SLIT3: variants seen among roughly 807,000 people sequenced by gnomAD.
The protein encoded by SLIT3 is slit guidance ligand 3.
A neutral mutation model predicts 184.0 loss-of-function variants in SLIT3; 68 were observed. That is an observed-to-expected ratio of 0.37 (90% confidence interval 0.30 to 0.45). The LOEUF (loss-of-function observed/expected upper bound fraction) is 0.45, where lower values mean the gene tolerates loss of function less well. Ranked by LOEUF, SLIT3 falls within the 20% of genes least tolerant of loss-of-function variation. The pLI is 1.00. For missense variants in SLIT3, 1,707 were observed against 2,026.0 expected (o/e 0.84, Z 3.02); for synonymous variants, 831 against 828.6 (o/e 1.00, Z -0.05).
At chr5:168,869,572 CA>C (rs1460953011) in intron 5 of SLIT3, among the ~76,000 whole-genome samples, 1 of 152,156 alleles carries the variant, frequency 6.6e-6, no homozygotes, top group African/African-American at 2.4e-5. Context: ...TACATGTCGG[CA>C]GTGGGGAGAT....
chr5:169,034,149 C>T (rs1311901469), intron 4 of SLIT3, among the ~76,000 whole-genome samples: 1 of 152,148 alleles, frequency 6.6e-6, no homozygotes, highest in African/African-American at 2.4e-5. Flanking sequence ...GATATTAACC[C>T]TTTACCATAT....
intron 4 of SLIT3, among the ~76,000 whole-genome samples, chr5:169,167,452 T>TA (rs34608308): frequency 0.13 from 19,524 of 151,184 alleles, 1,388 homozygotes; most frequent in South Asian, 0.24. Context: ...CTTTTTTTTG[T>TA]TTTTTAGTAG....
intron 4 of SLIT3, among the ~76,000 whole-genome samples, chr5:169,080,321 C>T (rs891145661): frequency 5.9e-5 from 9 of 152,166 alleles, no homozygotes; most frequent in African/African-American, 1.9e-4. Flanking sequence ...AAAATAATAG[C>T]ATTTAGCAGG....
chr5:168,882,438 C>T (rs1046758484), intron 5 of SLIT3, among the ~76,000 whole-genome samples: 9 of 152,140 alleles, frequency 5.9e-5, no homozygotes, highest in Admixed American at 5.2e-4. Flanking sequence ...AACAGTCCTG[C>T]GCTTGACTAT....
chr5:168,687,183 G>GC (rs1239207897), intron 29 of SLIT3, 67 bp from the exon 30 acceptor site: 16 of 1,577,130 alleles, frequency 1.0e-5, no homozygotes, highest in Non-Finnish European at 1.4e-5. Flanking sequence ...TCACTCTCCA[G>GC]CCCCCCTCAG....
At position 168,921,869 on chromosome 5, in the gene SLIT3, G is replaced by A. The variant is rs1422890037; in HGVS notation, c.414-38533C>T. Among the ~76,000 whole-genome samples the A allele has an allele frequency of 6.6e-5, 10 of 151,990 alleles. 1 individual carries two copies. The South Asian group carries it at 1.5e-3, about 22-fold the overall frequency. On this transcript the variant is annotated intron_variant, in intron 4 of 35. Coordinates refer to ENST00000519560, the MANE Select transcript of SLIT3 (RefSeq NM_003062.4). ...AACCTTTACTGAGCACATACTACAT[G>A]TGAGACACTGGTCTAAGCTCATTTA... is the stretch of plus-strand genomic sequence containing the variant.
intron 4 of SLIT3, among the ~76,000 whole-genome samples, chr5:168,897,949 G>T (rs1296616748): frequency 1.3e-5 from 2 of 152,148 alleles, no homozygotes; most frequent in Non-Finnish European, 1.5e-5. Context: ...GGGAAGGTCG[G>T]CTGGGGCTTC....
intron 4 of SLIT3, among the ~76,000 whole-genome samples, chr5:168,929,842 C>A (rs915022311): frequency 1.3e-5 from 2 of 152,184 alleles, no homozygotes; most frequent in Non-Finnish European, 2.9e-5. Flanking sequence ...TGGCGTGGGC[C>A]GGCCTCCACA....
intron 4 of SLIT3, among the ~76,000 whole-genome samples, chr5:169,008,615 C>G (rs10045475): frequency 1.3e-5 from 2 of 152,164 alleles, no homozygotes; most frequent in Non-Finnish European, 2.9e-5. Context: ...CACGGTCTCT[C>G]TGTGTCTCAC....
At chr5:169,140,008 T>A (rs891996419) in intron 4 of SLIT3, among the ~76,000 whole-genome samples, 3 of 152,084 alleles carry the variant, frequency 2.0e-5, no homozygotes, top group African/African-American at 7.2e-5. Context: ...CTCCAAGGCC[T>A]TCATCACAGC....
chr5:168,666,529 G>C lies in SLIT3; in HGVS notation c.4497C>G (p.Phe1499Leu). ...CAAACGAGGAGCCGTCCGTGCACTG[G>C]AAGACGTATTTCCGCCGCTTGCTGC... ...PTRSKRRKYV[F>L]QCTDGSSFVE... Residue 1499 changes from phenylalanine (F) to leucine (L), a missense_variant, in exon 36 of 36, where the codon TTC becomes TTG. Phe to Leu is a conservative substitution (Grantham distance 22). Transcript: ENST00000519560. 6.2e-7 allele frequency: 1 copy of C among 1,612,982 alleles called. No individual in the cohort carries two copies. The highest frequency in any genetic ancestry group is 8.5e-7 in the Non-Finnish European group (1 of 1,179,768).
At position 169,215,228 on chromosome 5, in the gene SLIT3, G is replaced by C. The variant is rs756556780; in HGVS notation, c.342-21678C>G. 2.7e-4 allele frequency among the ~76,000 whole-genome samples: 41 copies of C among 151,916 alleles called. 1 individual carries two copies. Among genetic ancestry groups the C allele is most frequent in the Non-Finnish European group, 1.2e-4 (8 of 68,018 alleles). Reference sequence around the variant, plus strand: ...TTCCTTTAGTTCTTGAACGTAACTCGCACTCTCTCACCTCTGGGCCTTTGC... The same window carrying C: ...TTCCTTTAGTTCTTGAACGTAACTCCCACTCTCTCACCTCTGGGCCTTTGC... On this transcript the variant is annotated intron_variant, in intron 3 of 35. Coordinates refer to ENST00000519560, the MANE Select transcript of SLIT3 (RefSeq NM_003062.4).
At chr5:168,701,816 C>T (rs544972035) in intron 26 of SLIT3, among the ~76,000 whole-genome samples, 1 of 152,362 alleles carries the variant, frequency 6.6e-6, no homozygotes, top group South Asian at 2.1e-4. Context: ...AGCCCACCCA[C>T]TGCCACACCA....
At chr5:169,112,144 A>G (rs1048171937) in intron 4 of SLIT3, among the ~76,000 whole-genome samples, 1 of 152,248 alleles carries the variant, frequency 6.6e-6, no homozygotes, top group Non-Finnish European at 1.5e-5. Context: ...GTTACAAAGT[A>G]GATGCCCCAG....
intron 4 of SLIT3, among the ~76,000 whole-genome samples, chr5:168,884,549 GATATATAT>G (rs58407375): frequency 0.06 from 2,472 of 41,154 alleles, 205 homozygotes; most frequent in Non-Finnish European, 0.079. Flanking sequence ...CCAATTACGA[GATATATAT>G]ATATATATAT....
intron 4 of SLIT3, among the ~76,000 whole-genome samples, chr5:169,162,911 T>C (rs901902254): frequency 6.6e-6 from 1 of 151,618 alleles, no homozygotes; most frequent in Non-Finnish European, 1.5e-5. Context: ...AAGGTAGGAG[T>C]AGGGAGATAG....
At chr5:168,879,271 G>A (rs1014699154) in intron 5 of SLIT3, among the ~76,000 whole-genome samples, 2 of 152,170 alleles carry the variant, frequency 1.3e-5, no homozygotes, top group Non-Finnish European at 2.9e-5. Flanking sequence ...CTGTGGTGGA[G>A]CAGGCTTGGG....
intron 4 of SLIT3, among the ~76,000 whole-genome samples, chr5:169,100,982 T>C (rs1443232308): frequency 2.0e-5 from 3 of 152,238 alleles, no homozygotes; most frequent in East Asian, 1.9e-4. Flanking sequence ...AGCGTGAAAG[T>C]TGACCATTGG....
chr5:169,007,300 A>G (rs748546037), intron 4 of SLIT3, among the ~76,000 whole-genome samples: 1 of 152,138 alleles, frequency 6.6e-6, no homozygotes, highest in Non-Finnish European at 1.5e-5. Context: ...CAGTGTGAAA[A>G]CAGACTAATA....
Sources: allele counts gnomAD v4.1 joint callset (sites outside exome capture counted in the v4.1 genomes callset), GRCh38; gene constraint gnomAD v4.1.1; transcripts MANE v1.5; gene names NCBI Gene and HGNC (gene_info 2026-07-23, HGNC 2026-07-21).